Variants in GPM6A observed in about 807,000 individuals in gnomAD.
GPM6A encodes the protein neuronal membrane glycoprotein M6-a.
A neutral mutation model predicts 32.1 loss-of-function variants in GPM6A; 7 were observed. That is an observed-to-expected ratio of 0.22 (90% CI 0.12 to 0.41). The LOEUF (loss-of-function observed/expected upper bound fraction) is 0.41. GPM6A is among the 10% of genes least tolerant of loss of function. The probability of loss-of-function intolerance (pLI) is 1.00; values close to 1 mark genes in which losing one functional copy is unlikely to be tolerated. For missense variants in GPM6A, 235 were observed against 347.2 expected, an observed-to-expected ratio of 0.68 and a Z score of 2.57; for synonymous variants, 130 against 123.4, an observed-to-expected ratio of 1.05 and a Z score of -0.35.
chr4:175,707,528 C>T (rs902101498), intron 1 of GPM6A, among the ~76,000 whole-genome samples: 7 of 152,042 alleles, frequency 4.6e-5, no homozygotes, highest in African/African-American at 1.4e-4. Context: ...AATTTTTTAT[C>T]CACAAACTTT....
At position 175,637,582 on chromosome 4, in the gene GPM6A, A is replaced by T. The variant is rs1176010923; in HGVS notation, c.685-2525T>A. Among the ~76,000 whole-genome samples, 8 of 18,814 alleles carry T rather than the reference A, an allele frequency of 4.3e-4. No homozygotes were observed. The South Asian group carries it at 0.013, about 32-fold the overall frequency. 12.3% of individuals were successfully genotyped at this position (18,814 alleles called of 152,430 possible). Reference sequence around the variant, plus strand: ...TAAAAATATATTATATATTATATAAAATATATTATATATTATGTAAAATAT... The same window carrying T: ...TAAAAATATATTATATATTATATAATATATATTATATATTATGTAAAATAT... On this transcript the variant is annotated intron_variant, in intron 6 of 6. Transcript: ENST00000393658.
chr4:175,868,650 C>A (rs1736812743), intron 1 of GPM6A, among the ~76,000 whole-genome samples: 2 of 151,982 alleles, frequency 1.3e-5, no homozygotes, highest in Non-Finnish European at 2.9e-5. Context: ...TTACGGATTG[C>A]TAATTTAATT....
chr4:175,778,058 G>A (rs1223166720), intron 1 of GPM6A, among the ~76,000 whole-genome samples: 2 of 152,046 alleles, frequency 1.3e-5, no homozygotes, highest in Non-Finnish European at 2.9e-5. Context: ...CATGTAATCT[G>A]CTTACCTTTC....
In GPM6A at chr4:175,636,937, CAT is replaced by C. The variant is rs562869711; in HGVS notation, c.685-1882_685-1881del. On this transcript the variant is annotated intron_variant, in intron 6 of 6. Transcript: ENST00000393658. Reference sequence around the variant, plus strand: ...ATTTCTTTTCAGTATTTCACTCATGCATATATATATATATATATGTATTTATA... The same window carrying C: ...ATTTCTTTTCAGTATTTCACTCATGCATATATATATATATATGTATTTATA... 6.4e-3 allele frequency among the ~76,000 whole-genome samples: 793 copies of C among 124,174 alleles called. 8 individuals carry two copies. The highest frequency in any genetic ancestry group is 0.024 in the South Asian group (101 of 4,176). 81.5% of individuals were successfully genotyped at this position (124,174 alleles called of 152,430 possible). A position where few individuals can be genotyped will look rare whatever the true frequency, so the allele number is the denominator to read the frequency against.
At chr4:175,934,213 T>C (rs1357745809) in intron 1 of GPM6A, among the ~76,000 whole-genome samples, 1 of 152,218 alleles carries the variant, frequency 6.6e-6, no homozygotes, top group Non-Finnish European at 1.5e-5. Flanking sequence ...CATTCCATTG[T>C]GGGTAAATTT....
At chr4:175,712,756 A>C (rs1447887078) in intron 1 of GPM6A, among the ~76,000 whole-genome samples, 1 of 152,206 alleles carries the variant, frequency 6.6e-6, no homozygotes. Flanking sequence ...CACTACGTTA[A>C]TATTCAGAGA....
chr4:175,689,194 GC>G (rs1356095570), intron 2 of GPM6A, among the ~76,000 whole-genome samples: 1 of 152,112 alleles, frequency 6.6e-6, no homozygotes, highest in Non-Finnish European at 1.5e-5. Flanking sequence ...ACTATTTGGA[GC>G]CCTTTGTGAT....
At chr4:175,947,990 G>A (rs1739666130) in intron 1 of GPM6A, among the ~76,000 whole-genome samples, 1 of 151,938 alleles carries the variant, frequency 6.6e-6, no homozygotes, top group South Asian at 2.1e-4. Context: ...TTTTTTCTAT[G>A]CAACACTATA....
At chr4:175,944,403 G>C (rs1042052133) in intron 1 of GPM6A, among the ~76,000 whole-genome samples, 27 of 152,170 alleles carry the variant, frequency 1.8e-4, no homozygotes, top group Non-Finnish European at 4.0e-4. Flanking sequence ...GTAAGTCAGG[G>C]ATAAGCTGCA....
At chr4:175,934,988 G>C (rs1024452323) in intron 1 of GPM6A, among the ~76,000 whole-genome samples, 1 of 152,118 alleles carries the variant, frequency 6.6e-6, no homozygotes, top group African/African-American at 2.4e-5. Context: ...CACAGAATTC[G>C]AAAGTTAATA....
chr4:175,673,410 GAA>G (rs371525673), intron 3 of GPM6A, among the ~76,000 whole-genome samples: 2 of 144,328 alleles, frequency 1.4e-5, no homozygotes, highest in South Asian at 2.2e-4. Flanking sequence ...GAGCCCTTTG[GAA>G]AAAAAAAACC....
chr4:175,661,871 A>G (rs532012252), intron 3 of GPM6A, among the ~76,000 whole-genome samples: 1 of 152,308 alleles, frequency 6.6e-6, no homozygotes, highest in East Asian at 1.9e-4. Flanking sequence ...AACACCACAT[A>G]TATCATATAC....
At chr4:175,726,031 T>G (rs1746388941) in intron 1 of GPM6A, among the ~76,000 whole-genome samples, 1 of 149,564 alleles carries the variant, frequency 6.7e-6, no homozygotes, top group Non-Finnish European at 1.5e-5. Context: ...GTCTCACTGT[T>G]GTCCAGGCTG....
chr4:175,657,454 A>T (rs561381961), intron 3 of GPM6A, among the ~76,000 whole-genome samples: 329 of 151,748 alleles, frequency 2.2e-3, no homozygotes, highest in African/African-American at 7.6e-3. Flanking sequence ...AGTGTTAAGA[A>T]CTCTTTCTAT....
chr4:175,960,073 T>G (rs1293343391), intron 1 of GPM6A, among the ~76,000 whole-genome samples: 1 of 152,206 alleles, frequency 6.6e-6, no homozygotes, highest in Non-Finnish European at 1.5e-5. Flanking sequence ...AGTAGCATCC[T>G]CATTGAATAG....
upstream of GPM6A, among the ~76,000 whole-genome samples, chr4:175,816,926 C>G (rs1398831405): frequency 6.6e-6 from 1 of 151,824 alleles, no homozygotes; most frequent in Non-Finnish European, 1.5e-5. Flanking sequence ...GCGGCGCGGT[C>G]TCGGCTCACT....
chr4:175,866,483 T>G (rs1736742891), intron 1 of GPM6A, among the ~76,000 whole-genome samples: 1 of 152,178 alleles, frequency 6.6e-6, no homozygotes. Context: ...CCATTCTGCC[T>G]TTTCCAGAAT....
chr4:175,651,397 A>G (rs1255127244), intron 4 of GPM6A, among the ~76,000 whole-genome samples: 1 of 152,000 alleles, frequency 6.6e-6, no homozygotes. Context: ...TTAAATGCTA[A>G]TTAAGATGCT....
intron 1 of GPM6A, among the ~76,000 whole-genome samples, chr4:175,862,580 G>T (rs1158415775): frequency 6.6e-6 from 1 of 152,118 alleles, no homozygotes; most frequent in Non-Finnish European, 1.5e-5. Flanking sequence ...TAAAGACAGT[G>T]CTGTTTGAAC....
Sources: allele counts gnomAD v4.1 joint callset (sites outside exome capture counted in the v4.1 genomes callset), GRCh38; gene constraint gnomAD v4.1.1; transcripts MANE v1.5; gene names NCBI Gene and HGNC (gene_info 2026-07-23, HGNC 2026-07-21).